The following TUBG1 variants were observed in gnomAD, a reference collection of about 807,000 sequenced individuals.
TUBG1 encodes the protein tubulin gamma 1.
TUBG1 carries 22 observed loss-of-function variants against 53.3 expected under a neutral mutation model. That is an observed-to-expected ratio of 0.41 (90% CI 0.29 to 0.59). The LOEUF is 0.59. Among genes scored for constraint, TUBG1 ranks in the 20% least tolerant of loss-of-function variants. The pLI, the probability that TUBG1 is intolerant of heterozygous loss-of-function variation, is 0.26. For missense variants in TUBG1, 217 were observed against 598.9 expected (o/e 0.36, Z 6.66); for synonymous variants, 198 against 236.7 (o/e 0.84, Z 1.50).
Position 42,610,572 on chromosome 17 carries a change from G to A in TUBG1, c.312G>A (p.Trp104Ter). ...ATGGAGGAGGAGCTGGCAACAACTG[G>A]GCCAGCGGATTCTCCCAGGTCGTTT... is the stretch of plus-strand genomic sequence containing the variant. Reference protein sequence around the residue: ...SEHGGGAGNNWASGFSQGEKI... With the variant: ...SEHGGGAGNN Residue 104 changes from tryptophan (W) to a stop codon, truncating the protein, a stop_gained, in exon 3 of 11, where the codon TGG becomes TGA. Coordinates refer to ENST00000251413, the MANE Select transcript of TUBG1 (RefSeq NM_001070.5). LOFTEE classifies it high-confidence loss of function. 1.9e-6 allele frequency: 3 copies of A among 1,614,160 alleles called. No individual in the cohort carries two copies. The highest frequency in any genetic ancestry group is 2.5e-6 in the Non-Finnish European group (3 of 1,180,012).
chr17:42,613,766 G>A (rs1162809436), intron 7 of TUBG1, 33 bp downstream of exon 7: 2 of 1,614,010 alleles, frequency 1.2e-6, no homozygotes, highest in East Asian at 2.2e-5. Flanking sequence ...CTTTGGACTT[G>A]AAGCCCTCCT....
intron 6 of TUBG1, among the ~76,000 whole-genome samples, 166 bp downstream of exon 6, chr17:42,613,239 TAGG>T (rs1421333727): frequency 2.6e-5 from 4 of 152,156 alleles, no homozygotes; most frequent in Admixed American, 1.3e-4. Flanking sequence ...CGTTTGAGTT[TAGG>T]AGTTCGAGAC....
In TUBG1 at chr17:42,614,911, G is replaced by A. The variant is rs778326219; in HGVS notation, c.1226G>A (p.Arg409His). The A allele has an allele frequency of 1.9e-6, 3 of 1,614,214 alleles. No homozygotes were observed. Among genetic ancestry groups the A allele is most frequent in the East Asian group, 2.2e-5 (1 of 44,878 alleles). The change falls in exon 11 of 11, where the codon CGC becomes CAC. Residue 409 changes from arginine to histidine, a missense_variant. Arg to His is a conservative substitution (Grantham distance 29, BLOSUM62 0). This residue lies in a region of TUBG1 where 135 missense variants were observed against 371.2 expected (regional missense o/e 0.36). Transcript: ENST00000251413. The surrounding 1 kb of genome is among the most constrained non-coding windows in gnomAD (Gnocchi z 5.1). ...RKREAFLEQF[R>H]KEDMFKDNFD... ...CGGGAGGCCTTCCTGGAGCAGTTCCGCAAGGAGGACATGTTCAAGGACAAC... is the reference window on the plus strand; with the variant it reads ...CGGGAGGCCTTCCTGGAGCAGTTCCACAAGGAGGACATGTTCAAGGACAAC...
At position 42,611,969 on chromosome 17, in the gene TUBG1, A is replaced by G. The variant is rs1034212226; in HGVS notation, c.331-106A>G. 5.0e-6 allele frequency: 5 copies of G among 990,546 alleles called. No homozygotes were observed. The South Asian group carries it at 5.5e-5, about 11-fold the overall frequency. The allele number at this position is 990,546 out of a possible 1,614,324, so 61.4% of individuals were successfully genotyped here. ...AGATAAAAGCAGGTAGCTATGCTCCATAAAAGGACTTCTGGGTGTTATAAG... is the reference window on the plus strand; with the variant it reads ...AGATAAAAGCAGGTAGCTATGCTCCGTAAAAGGACTTCTGGGTGTTATAAG... On this transcript the variant is annotated intron_variant, in intron 3 of 10. Transcript: ENST00000251413.
At chr17:42,612,561 T>A in intron 5 of TUBG1, 55 bp downstream of exon 5, 1 of 1,511,976 alleles carries the variant, frequency 6.6e-7, no homozygotes, top group Non-Finnish European at 9.2e-7. Flanking sequence ...CCTAAATGAC[T>A]AGGGGACCCA....
In TUBG1 at chr17:42,612,486, C is replaced by G. The variant is rs750864269; in HGVS notation, c.459C>G (p.Leu153=). The change falls in exon 5 of 11, where the codon CTC becomes CTG. Residue 153 remains leucine, a synonymous_variant. Coordinates refer to ENST00000251413, the MANE Select transcript of TUBG1 (RefSeq NM_001070.5). ...CAGGCTCTGGACTGGGTTCCTACCTCTTAGAACGGCTGAATGACAGGTAAG... is the reference window on the plus strand; with the variant it reads ...CAGGCTCTGGACTGGGTTCCTACCTGTTAGAACGGCTGAATGACAGGTAAG... ...GGTGSGLGSY[L]LERLNDRYPK... 1 of 1,613,942 alleles carries G rather than the reference C, an allele frequency of 6.2e-7. No homozygotes were observed. The highest frequency in any genetic ancestry group is 1.3e-5 in the African/African-American group (1 of 74,876).
chr17:42,609,801 G>A lies in TUBG1; in HGVS notation c.49+15G>A. On this transcript the variant is annotated intron_variant, in intron 1 of 10. Coordinates refer to ENST00000251413, the MANE Select transcript of TUBG1 (RefSeq NM_001070.5). ...CGGCAATCAGAGTGAGCGAAACTCC[G>A]GCCCCTCAGCTAGCCAGGTTCCTTA... 2 of 1,550,946 alleles carry A rather than the reference G, an allele frequency of 1.3e-6. No individual in the cohort carries two copies. Among genetic ancestry groups the A allele is most frequent in the South Asian group, 1.2e-5 (1 of 84,010 alleles).
intron 1 of TUBG1, 57 bp downstream of exon 1, chr17:42,609,843 G>T: frequency 6.6e-7 from 1 of 1,524,020 alleles, no homozygotes; most frequent in Non-Finnish European, 8.8e-7. Context: ...ATGGGATCTC[G>T]CTGTGGGATC....
intron 6 of TUBG1, 50 bp downstream of exon 6, chr17:42,613,123 C>T (rs201081746): frequency 2.1e-5 from 33 of 1,589,612 alleles, no homozygotes; most frequent in Middle Eastern, 1.7e-4. Context: ...CATACCCACT[C>T]GAGTCTATTA....
chr17:42,615,188 T>A lies in TUBG1; in HGVS notation c.*147T>A. On this transcript the variant is annotated 3_prime_UTR_variant, in exon 11 of 11. Transcript: ENST00000251413. ...CTGTTGGCCTGCAAACACATTTACT[T>A]CTCCTCTTATGAGACTATTTATCTT... is the stretch of plus-strand genomic sequence containing the variant. 1.5e-6 allele frequency: 1 copy of A among 687,208 alleles called. No homozygotes were observed. Among genetic ancestry groups the A allele is most frequent in the Non-Finnish European group, 2.4e-6 (1 of 408,202 alleles). 42.6% of individuals were successfully genotyped at this position (687,208 alleles called of 1,614,324 possible).
At chr17:42,613,496 C>T (rs1289031327) in intron 6 of TUBG1, 151 bp from the exon 7 acceptor site, 2 of 1,090,296 alleles carry the variant, frequency 1.8e-6, no homozygotes, top group African/African-American at 1.6e-5. Flanking sequence ...CCATTTTGAG[C>T]CCTCCTTTGC....
In TUBG1 at chr17:42,614,849, C is replaced by T. The variant is rs1028945256; in HGVS notation, c.1164C>T (p.Phe388=). 15 of 1,614,196 alleles carry T rather than the reference C, an allele frequency of 9.3e-6. No individual in the cohort carries two copies. The highest frequency in any genetic ancestry group is 8.9e-5 in the East Asian group (4 of 44,890). Residue 388 remains phenylalanine, a synonymous_variant, in exon 11 of 11, where the codon TTC becomes TTT. Transcript: ENST00000251413. The surrounding 1 kb of genome is among the most constrained non-coding windows in gnomAD (Gnocchi z 5.1). ...TGTTTTCTGCACACCCCAAGCTCTT[C>T]GAGAGAACCTGTCGCCAGTATGACA... ...MANHTSISSL[F]ERTCRQYDKL...
chr17:42,612,209 GA>G, intron 4 of TUBG1, 66 bp downstream of exon 4: 1 of 1,539,968 alleles, frequency 6.5e-7, no homozygotes, highest in Non-Finnish European at 9.0e-7. Flanking sequence ...CTCTAGAAGC[GA>G]CCTGTTAGGA....
chr17:42,613,827 A>G (rs2052054883), intron 7 of TUBG1, 22 bp from the exon 8 acceptor site: 1 of 1,613,884 alleles, frequency 6.2e-7, no homozygotes, highest in Non-Finnish European at 8.5e-7. Context: ...TGAGGCCCAT[A>G]ACATGGCACG....
Position 42,614,976 on chromosome 17 carries a change from C to T in TUBG1, c.1291C>T (p.Leu431Phe). 6.2e-7 allele frequency: 1 copy of T among 1,614,170 alleles called. No homozygotes were observed. The highest frequency in any genetic ancestry group is 8.5e-7 in the Non-Finnish European group (1 of 1,180,020). The change falls in exon 11 of 11, where the codon CTC becomes TTC. Residue 431 changes from leucine (L) to phenylalanine (F), a missense_variant. By Grantham distance (22) the Leu-to-Phe change is conservative. This residue lies in a region of TUBG1 where 25 missense variants were observed against 32.4 expected (regional missense o/e 0.77). Coordinates refer to ENST00000251413, the MANE Select transcript of TUBG1 (RefSeq NM_001070.5). This position sits in a 1 kb window ranked among gnomAD's most constrained non-coding sequence, Gnocchi z 5.1. ...MDTSREIVQQ[L>F]IDEYHAATRP... ...CACATCCAGGGAGATTGTGCAGCAG[C>T]TCATCGATGAGTACCATGCGGCCAC... is the stretch of plus-strand genomic sequence containing the variant.
chr17:42,612,254 A>G, intron 4 of TUBG1, 111 bp downstream of exon 4: 2 of 1,326,620 alleles, frequency 1.5e-6, no homozygotes, highest in Non-Finnish European at 2.2e-6. Context: ...TGCACTGGAC[A>G]GAAGCTATCA....
At position 42,614,801 on chromosome 17, in the gene TUBG1, TCTTTG is replaced by T; in HGVS notation, c.1159-42_1159-38del. 1 of 1,613,346 alleles carries T rather than the reference TCTTTG, an allele frequency of 6.2e-7. No individual in the cohort carries two copies. Among genetic ancestry groups the T allele is most frequent in the Non-Finnish European group, 8.5e-7 (1 of 1,179,490 alleles). ...TCCCCAGCTTTCTGGGCCACGTTAT[TCTTTG>T]AAGTTCTTTGTAACCCCTGTTTTCT... On this transcript the variant is annotated intron_variant, in intron 10 of 10. Coordinates refer to ENST00000251413, the MANE Select transcript of TUBG1 (RefSeq NM_001070.5). The surrounding 1 kb of genome is among the most constrained non-coding windows in gnomAD (Gnocchi z 5.1).
chr17:42,610,429 G>A lies in TUBG1; in HGVS notation c.169G>A (p.Asp57Asn), dbSNP rs922622262. ...RKDVFFYQAD[D>N]EHYIPRAVLL... ...CCTGGACTCCCCTTGACAGGCAGAC[G>A]ATGAGCACTACATCCCCCGGGCCGT... Residue 57 changes from aspartate to asparagine, a missense_variant, in exon 3 of 11, where the codon GAT becomes AAT. Coordinates refer to ENST00000251413, the MANE Select transcript of TUBG1 (RefSeq NM_001070.5). The A allele has an allele frequency of 1.3e-6, 2 of 1,598,460 alleles. No homozygotes were observed. Among genetic ancestry groups the A allele is most frequent in the Non-Finnish European group, 1.7e-6 (2 of 1,168,870 alleles).
chr17:42,611,573 G>A (rs1250876263), intron 3 of TUBG1, among the ~76,000 whole-genome samples: 1 of 152,166 alleles, frequency 6.6e-6, no homozygotes, highest in Non-Finnish European at 1.5e-5. Context: ...TAGAGTTAAT[G>A]GGCCAGGCGT....
Sources: gnomAD v4.1 joint callset for allele counts (sites outside exome capture counted in the v4.1 genomes callset) on GRCh38, gnomAD v4.1.1 for gene constraint, gnomAD v4.1.1 regional missense constraint, Gnocchi (gnomAD v3.1) non-coding constraint, MANE v1.5 for transcripts, NCBI Gene and HGNC (gene_info 2026-07-23, HGNC 2026-07-21) for gene names.